The following UGT3A2 variants were observed in gnomAD, a reference collection of about 807,000 sequenced individuals.
UGT3A2 encodes the protein UDP-glycosyltransferase 3A2.
UGT3A2 carries 32 observed loss-of-function variants against 39.8 expected under a neutral mutation model. That is an observed-to-expected ratio of 0.80 (90% CI 0.61 to 1.08). The LOEUF is 1.08. Among genes scored for constraint, UGT3A2 ranks in the 50% least tolerant of loss-of-function variants. The pLI, the probability that UGT3A2 is intolerant of heterozygous loss-of-function variation, is 0.00. For synonymous variants in UGT3A2, 241 were observed against 230.7 expected (o/e 1.04, Z -0.40); for missense variants, 611 against 637.1 (o/e 0.96, Z 0.44).
chr5:36,039,375 C>T, intron 5 of UGT3A2, 102 bp downstream of exon 5: 1 of 1,172,010 alleles, frequency 8.5e-7, no homozygotes, highest in Non-Finnish European at 1.3e-6. Context: ...CTTACCTGTA[C>T]CATTCACCAG....
At chr5:36,062,377 T>C (rs1472998110) in intron 2 of UGT3A2, among the ~76,000 whole-genome samples, 1 of 152,218 alleles carries the variant, frequency 6.6e-6, no homozygotes, top group African/African-American at 2.4e-5. Flanking sequence ...TGGTTTTAAG[T>C]CTAACGTTTA....
At chr5:36,044,011 C>A (rs1469365652) in intron 4 of UGT3A2, among the ~76,000 whole-genome samples, 1 of 151,834 alleles carries the variant, frequency 6.6e-6, no homozygotes, top group East Asian at 1.9e-4. Flanking sequence ...ACCTTTATAC[C>A]AAAACCAGAC....
At position 36,049,357 on chromosome 5, in the gene UGT3A2, T is replaced by TA. The variant is rs1742271128; in HGVS notation, c.374dup (p.Leu125PhefsTer3). The TA allele has an allele frequency of 1.2e-6, 2 of 1,608,176 alleles. No individual in the cohort carries two copies. The highest frequency in any genetic ancestry group is 2.2e-5 in the East Asian group (1 of 44,862). On this transcript the variant is annotated frameshift_variant, in exon 4 of 7. Transcript: ENST00000282507. LOFTEE classifies it high-confidence loss of function. ...AGGAATCCATGATATCCTTTCTATT[T>TA]AAAAAATGACTGCACTGCAACGCCA...
chr5:36,048,256 T>C (rs574693026), intron 4 of UGT3A2, among the ~76,000 whole-genome samples: 29 of 152,344 alleles, frequency 1.9e-4, no homozygotes, highest in African/African-American at 6.5e-4. Context: ...TCTCCTCCTT[T>C]TGAAAAATTT....
In UGT3A2 at chr5:36,035,731, C is replaced by A; in HGVS notation, c.1539G>T (p.Trp513Cys). The part of the protein sequence containing the change: ...CGKLLGMAVW[W>C]LRGARKVKET ...CCTTCACCTTTCTGGCCCCACGCAG[C>A]CACCAGACAGCCATGCCCAGCAGCT... The change falls in exon 7 of 7, where the codon TGG (tryptophan) becomes TGT (cysteine). Residue 513 changes from tryptophan (W) to cysteine (C), a missense_variant. By Grantham distance (215) the Trp-to-Cys change is radical (BLOSUM62 -2). Coordinates refer to ENST00000282507, the MANE Select transcript of UGT3A2 (RefSeq NM_174914.4). The A allele has an allele frequency of 6.2e-7, 1 of 1,614,184 alleles. No homozygotes were observed. Among genetic ancestry groups the A allele is most frequent in the Admixed American group, 1.7e-5 (1 of 60,022 alleles).
intron 2 of UGT3A2, among the ~76,000 whole-genome samples, chr5:36,061,795 A>C (rs1742713174): frequency 6.6e-6 from 1 of 152,096 alleles, no homozygotes; most frequent in African/African-American, 2.4e-5. Context: ...TTCTAGTTCT[A>C]GATCCCTGAT....
chr5:36,062,308 G>A (rs1211019225), intron 2 of UGT3A2, among the ~76,000 whole-genome samples: 45 of 151,818 alleles, frequency 3.0e-4, no homozygotes, highest in Admixed American at 2.2e-3. Context: ...TAGACATGAA[G>A]TCCTTGCCCA....
rs745750270 is a variant in UGT3A2, at chr5:36,049,078, C to T, written c.654G>A (p.Gln218=). The T allele has an allele frequency of 6.2e-7, 1 of 1,614,182 alleles. No individual in the cohort carries two copies. The highest frequency in any genetic ancestry group is 1.1e-5 in the South Asian group (1 of 91,078). The change falls in exon 4 of 7, where the codon CAG becomes CAA. Residue 218 remains glutamine (Q), a synonymous_variant. Transcript: ENST00000282507. ...FSFCRRQQHM[Q]STFDNTIKEH... is the part of the protein sequence containing the mutation. ...CCTTGATGGTGTTGTCAAATGTAGA[C>T]TGCATGTGCTGTTGCCTCCTGCAGA...
chr5:36,062,408 T>C (rs561495293), intron 2 of UGT3A2, among the ~76,000 whole-genome samples: 2 of 152,312 alleles, frequency 1.3e-5, no homozygotes, highest in Middle Eastern at 3.4e-3. Flanking sequence ...CCATCTTGAA[T>C]TGATTTTTGT....
At chr5:36,057,247 T>C (rs925874034) in intron 2 of UGT3A2, among the ~76,000 whole-genome samples, 3 of 152,198 alleles carry the variant, frequency 2.0e-5, no homozygotes, top group African/African-American at 7.2e-5. Flanking sequence ...AATGTTTCAA[T>C]TCATTAAATT....
intron 4 of UGT3A2, 25 bp from the exon 5 acceptor site, chr5:36,039,733 G>C (rs377232275): frequency 8.1e-6 from 13 of 1,605,432 alleles, no homozygotes; most frequent in Non-Finnish European, 1.1e-5. Flanking sequence ...CCAAGGTAAA[G>C]AGGTGACAAA....
At chr5:36,062,169 A>G (rs2111774806) in intron 2 of UGT3A2, among the ~76,000 whole-genome samples, 1 of 150,970 alleles carries the variant, frequency 6.6e-6, no homozygotes, top group African/African-American at 2.4e-5. Flanking sequence ...TAGGTTGCGA[A>G]AATTTTCTCC....
At chr5:36,066,576 T>G in intron 1 of UGT3A2, 120 bp downstream of exon 1, 1 of 1,549,948 alleles carries the variant, frequency 6.5e-7, no homozygotes, top group Non-Finnish European at 8.9e-7. Context: ...TCCAGCCGGG[T>G]CCGCAAGCCC....
chr5:36,035,356 G>A lies in UGT3A2; in HGVS notation c.*342C>T, dbSNP rs997725757. On this transcript the variant is annotated 3_prime_UTR_variant, in exon 7 of 7. Transcript: ENST00000282507. Reference sequence around the variant, plus strand: ...GGCTGGAAGAGTCAGGGTGTGATTCGGAGAGGCGCATGAGAAGGAAGGTGG... The same window carrying A: ...GGCTGGAAGAGTCAGGGTGTGATTCAGAGAGGCGCATGAGAAGGAAGGTGG... The A allele has an allele frequency of 7.0e-5, 21 of 301,832 alleles. No individual in the cohort carries two copies. The highest frequency in any genetic ancestry group is 3.0e-4 in the South Asian group (7 of 23,482). 18.7% of individuals were successfully genotyped at this position (301,832 alleles called of 1,614,324 possible). A position where few individuals can be genotyped will look rare whatever the true frequency, so the allele number is the denominator to read the frequency against.
Position 36,049,242 on chromosome 5 carries a change from C to A in UGT3A2, c.490G>T (p.Ala164Ser). 6.2e-7 allele frequency: 1 copy of A among 1,614,020 alleles called. No individual in the cohort carries two copies. The highest frequency in any genetic ancestry group is 1.7e-4 in the Middle Eastern group (1 of 6,060). Residue 164 changes from alanine (A) to serine (S), a missense_variant, in exon 4 of 7, where the codon GCC becomes TCC. Coordinates refer to ENST00000282507, the MANE Select transcript of UGT3A2 (RefSeq NM_174914.4). Reference sequence around the variant, plus strand: ...GAGCCGAATGAAGTGGAAAGAATGGCCACAAATGGCTTCCCAAGCTTCTCA... The same window carrying A: ...GAGCCGAATGAAGTGGAAAGAATGGACACAAATGGCTTCCCAAGCTTCTCA... ...IAEKLGKPFV[A>S]ILSTSFGSLE... is the part of the protein sequence containing the mutation.
chr5:36,043,328 A>C (rs1742068729), intron 4 of UGT3A2, among the ~76,000 whole-genome samples: 1 of 152,092 alleles, frequency 6.6e-6, no homozygotes, highest in African/African-American at 2.4e-5. Flanking sequence ...AATGTATTGA[A>C]ACAAATGATA....
At chr5:36,057,559 T>G (rs370086709) in intron 2 of UGT3A2, among the ~76,000 whole-genome samples, 3 of 150,782 alleles carry the variant, frequency 2.0e-5, no homozygotes, top group African/African-American at 7.3e-5. Context: ...TTTCTCAGAC[T>G]GGGTCTCACT....
intron 4 of UGT3A2, among the ~76,000 whole-genome samples, chr5:36,040,205 A>T (rs1018734829): frequency 6.6e-6 from 1 of 152,120 alleles, no homozygotes; most frequent in South Asian, 2.1e-4. Flanking sequence ...TCGGTCACTG[A>T]TCTTTTTGTA....
chr5:36,060,311 TGGA>T (rs1742650031), intron 2 of UGT3A2, among the ~76,000 whole-genome samples: 1 of 152,214 alleles, frequency 6.6e-6, no homozygotes, highest in Admixed American at 6.5e-5. Flanking sequence ...AGTATACCAC[TGGA>T]GGCTATATGA....
Sources: gnomAD v4.1 joint callset for allele counts (sites outside exome capture counted in the v4.1 genomes callset) on GRCh38, gnomAD v4.1.1 for gene constraint, MANE v1.5 for transcripts, NCBI Gene and HGNC (gene_info 2026-07-23, HGNC 2026-07-21) for gene names.